NFIA: variants seen among roughly 807,000 people sequenced by gnomAD.
NFIA encodes nuclear factor 1 A-type.
NFIA carries 8 observed loss-of-function variants against 62.8 expected under a neutral mutation model. The observed-to-expected ratio is 0.13, with a 90% CI of 0.07 to 0.23. The LOEUF is 0.23. Ranked by LOEUF, NFIA falls within the 10% of genes least tolerant of loss-of-function variation. The pLI is 1.00. For synonymous variants in NFIA, 235 were observed against 238.1 expected, an observed-to-expected ratio of 0.99 and a Z score of 0.12; for missense variants, 410 against 642.1, an observed-to-expected ratio of 0.64 and a Z score of 3.91.
intron 2 of NFIA, among the ~76,000 whole-genome samples, chr1:61,125,999 G>A (rs1206916471): frequency 1.3e-5 from 2 of 152,162 alleles, no homozygotes; most frequent in Non-Finnish European, 2.9e-5. Context: ...CAAGATACTA[G>A]AGTAGGTACT....
At chr1:61,405,392 G>A (rs1665766758) in intron 8 of NFIA, among the ~76,000 whole-genome samples, 1 of 152,162 alleles carries the variant, frequency 6.6e-6, no homozygotes, top group African/African-American at 2.4e-5. Context: ...CATTCTGATC[G>A]TCAGACGAGG....
At chr1:61,196,924 TGTGTGTGTGTGTGTGTGC>T (rs1443122772) in intron 2 of NFIA, among the ~76,000 whole-genome samples, 14 of 142,780 alleles carry the variant, frequency 9.8e-5, no homozygotes, top group South Asian at 2.2e-4. Context: ...TGTGTGTGTG[TGTGTGTGTGTGTGTGTGC>T]GCGCGCGCGC....
rs1646249247 is a variant in NFIA, at chr1:61,088,000, A to G, written c.28-149A>G. On this transcript the variant is annotated intron_variant, in intron 1 of 10. Coordinates refer to ENST00000403491, the MANE Select transcript of NFIA (RefSeq NM_001134673.4). The stretch of plus-strand genomic sequence containing the variant: ...TCTCCCACCTTCCCAGACTTCCCAT[A>G]GGATCCTGTGTATGATTTTGGTAAC... 9 of 710,932 alleles carry G rather than the reference A, an allele frequency of 1.3e-5. No homozygotes were observed. The East Asian group carries it at 2.2e-4, about 17-fold the overall frequency. 44.0% of individuals were successfully genotyped at this position (710,932 alleles called of 1,614,324 possible). A position where few individuals can be genotyped will look rare whatever the true frequency, so the allele number is the denominator to read the frequency against.
At chr1:61,290,833 AT>A (rs762511801) in intron 3 of NFIA, among the ~76,000 whole-genome samples, 71 of 151,400 alleles carry the variant, frequency 4.7e-4, no homozygotes, top group Non-Finnish European at 2.5e-4. Flanking sequence ...TAAATTATGC[AT>A]TTTTTCCCCT....
At chr1:61,218,583 G>A (rs763117281) in intron 2 of NFIA, among the ~76,000 whole-genome samples, 11 of 151,892 alleles carry the variant, frequency 7.2e-5, no homozygotes, top group African/African-American at 1.9e-4. Context: ...AATCACCTTG[G>A]GAAAATAATC....
At chr1:61,286,033 G>A (rs947551628) in intron 3 of NFIA, among the ~76,000 whole-genome samples, 1 of 152,168 alleles carries the variant, frequency 6.6e-6, no homozygotes, top group South Asian at 2.1e-4. Context: ...GCCATTAAAA[G>A]CCTGACACTG....
chr1:61,441,325 G>GTGTGTGTT, intron 10 of NFIA, among the ~76,000 whole-genome samples: 1 of 150,332 alleles, frequency 6.7e-6, no homozygotes, highest in South Asian at 2.1e-4. Context: ...GTGTGTGTGT[G>GTGTGTGTT]TGTGTGTGTC....
intron 2 of NFIA, among the ~76,000 whole-genome samples, chr1:61,209,123 T>G (rs1361797381): frequency 2.0e-5 from 3 of 151,562 alleles, no homozygotes; most frequent in Non-Finnish European, 4.4e-5. Context: ...AGAGTTTTGT[T>G]TTTTTTTTCC....
intron 7 of NFIA, among the ~76,000 whole-genome samples, chr1:61,386,262 G>A (rs934249519): frequency 2.6e-5 from 4 of 152,102 alleles, no homozygotes; most frequent in Non-Finnish European, 4.4e-5. Context: ...GTGTGGAATC[G>A]ATGTCACATG....
At position 61,311,364 on chromosome 1, in the gene NFIA, C is replaced by T. The variant is rs183876621; in HGVS notation, c.626-21148C>T. Among the ~76,000 whole-genome samples the T allele has an allele frequency of 1.7e-3, 265 of 152,018 alleles. 5 individuals carry two copies. The highest frequency in any genetic ancestry group is 0.015 in the Admixed American group (235 of 15,250). Reference sequence around the variant, plus strand: ...CGAGATCGCGACATTGCACTCCAGCCTGGGCAACAAAAGTGAAACTCCGTC... The same window carrying T: ...CGAGATCGCGACATTGCACTCCAGCTTGGGCAACAAAAGTGAAACTCCGTC... On this transcript the variant is annotated intron_variant, in intron 3 of 10. Transcript: ENST00000403491.
intron 4 of NFIA, among the ~76,000 whole-genome samples, chr1:61,337,401 A>G (rs1661669675): frequency 6.6e-6 from 1 of 152,030 alleles, no homozygotes. Context: ...AAAATACTGT[A>G]GCATAAAAAT....
At chr1:61,451,729 A>G (rs938535785) in intron 10 of NFIA, among the ~76,000 whole-genome samples, 2 of 152,228 alleles carry the variant, frequency 1.3e-5, no homozygotes, top group Admixed American at 1.3e-4. Context: ...ATGTAAATGT[A>G]TCAAGATAAC....
chr1:61,138,623 C>T (rs1373106439), intron 2 of NFIA, among the ~76,000 whole-genome samples: 3 of 151,846 alleles, frequency 2.0e-5, no homozygotes, highest in Non-Finnish European at 4.4e-5. Flanking sequence ...CTCTGTTTCC[C>T]AGGCTGGAGT....
chr1:61,132,175 G>T (rs1418425072), intron 2 of NFIA, among the ~76,000 whole-genome samples: 3 of 152,132 alleles, frequency 2.0e-5, no homozygotes, highest in Non-Finnish European at 4.4e-5. Flanking sequence ...GGTCAAAAAA[G>T]AATGAGGAAA....
chr1:61,398,287 G>A lies in NFIA; in HGVS notation c.1076-5817G>A, dbSNP rs144852171. Among the ~76,000 whole-genome samples the A allele has an allele frequency of 1.7e-3, 257 of 152,264 alleles. 2 individuals carry two copies. Among genetic ancestry groups the A allele is most frequent in the African/African-American group, 5.5e-3 (230 of 41,540 alleles). ...TACAGAAAATGTTTGCCAACTCCTG[G>A]TCTAGTCAGGGCCTTGAGCAACAAA... On this transcript the variant is annotated intron_variant, in intron 7 of 10. Transcript: ENST00000403491.
At chr1:61,152,186 T>C (rs181341027) in intron 2 of NFIA, among the ~76,000 whole-genome samples, 1 of 152,302 alleles carries the variant, frequency 6.6e-6, no homozygotes, top group Admixed American at 6.5e-5. Context: ...TAGTGCCTAA[T>C]CATATGGTCT....
At chr1:61,292,729 C>T (rs1475482448) in intron 3 of NFIA, among the ~76,000 whole-genome samples, 1 of 152,190 alleles carries the variant, frequency 6.6e-6, no homozygotes, top group African/African-American at 2.4e-5. Flanking sequence ...GAAGTGTATA[C>T]ATGTTCCTAG....
At chr1:61,239,050 A>C (rs1231684470) in intron 2 of NFIA, among the ~76,000 whole-genome samples, 2 of 152,192 alleles carry the variant, frequency 1.3e-5, no homozygotes, top group Non-Finnish European at 2.9e-5. Flanking sequence ...TCATTAATGA[A>C]TATTTTAAAA....
intron 2 of NFIA, among the ~76,000 whole-genome samples, chr1:61,177,642 T>C (rs778577194): frequency 7.4e-5 from 11 of 148,622 alleles, no homozygotes; most frequent in Non-Finnish European, 1.3e-4. Context: ...ATAGTAAGAA[T>C]GTTTTCTCTA....
Sources: allele counts gnomAD v4.1 joint callset (sites outside exome capture counted in the v4.1 genomes callset), GRCh38; gene constraint gnomAD v4.1.1; transcripts MANE v1.5; gene names NCBI Gene and HGNC (gene_info 2026-07-23, HGNC 2026-07-21).